The following INSL6 variants were observed in gnomAD, a reference collection of about 807,000 sequenced individuals.
INSL6 encodes insulin like 6, also known as insulin-like peptide INSL6.
In INSL6, 16 loss-of-function variants were observed where a neutral mutation model predicts 9.4. The observed-to-expected ratio is 1.70, with a 90% CI of 1.15 to 2.59. INSL6 has a LOEUF of 2.59. Among genes scored for constraint, INSL6 ranks in the 30% most tolerant of loss-of-function variants. INSL6 has a pLI of 0.00. For synonymous variants in INSL6, 154 were observed against 96.9 expected, an observed-to-expected ratio of 1.59 and a Z score of -3.46; for missense variants, 391 against 257.3, an observed-to-expected ratio of 1.52 and a Z score of -3.56.
intron 2 of INSL6, among the ~76,000 whole-genome samples, chr9:5,149,897 A>G (rs1046263073): frequency 1.3e-5 from 2 of 152,226 alleles, no homozygotes; most frequent in Non-Finnish European, 2.9e-5. Flanking sequence ...ATAAAAACAG[A>G]CACATAGATC....
chr9:5,167,332 T>C (rs1403472500), intron 1 of INSL6, among the ~76,000 whole-genome samples: 5 of 152,226 alleles, frequency 3.3e-5, no homozygotes, highest in African/African-American at 1.2e-4. Context: ...TGATGGTGGC[T>C]GCTGAGGTGG....
At chr9:5,138,774 TA>T (rs1359092496) in intron 2 of INSL6, among the ~76,000 whole-genome samples, 3 of 151,910 alleles carry the variant, frequency 2.0e-5, no homozygotes, top group Non-Finnish European at 4.4e-5. Context: ...ATTTAATATC[TA>T]AAAAAATAGT....
chr9:5,127,631 A>T (rs1824082504), intron 3 of INSL6: 1 of 231,970 alleles, frequency 4.3e-6, no homozygotes, highest in Admixed American at 5.6e-5. Context: ...TTTTGAGATT[A>T]AGAATGCCAG....
the INSL6 span, among the ~76,000 whole-genome samples, chr9:5,084,716 T>C: frequency 3.9e-5 from 6 of 152,330 alleles, no homozygotes; most frequent in South Asian, 2.1e-4. Flanking sequence ...ATTTGTGTAA[T>C]AGCCTTACAT....
the INSL6 span, among the ~76,000 whole-genome samples, chr9:5,017,718 AT>A: frequency 2.6e-5 from 4 of 152,352 alleles, no homozygotes; most frequent in South Asian, 8.3e-4. Context: ...TTTTGAATAA[AT>A]TAATTCTTTA....
chr9:5,030,008 A>ACC, the INSL6 span: 3 of 942,250 alleles, frequency 3.2e-6, no homozygotes, highest in Non-Finnish European at 4.7e-6. Flanking sequence ...AGATACCTGA[A>ACC]CCAATTAGTT....
the INSL6 span, among the ~76,000 whole-genome samples, chr9:5,035,488 A>T: frequency 5.9e-5 from 9 of 152,328 alleles, no homozygotes; most frequent in East Asian, 1.7e-3. Flanking sequence ...TCCTCAACAA[A>T]ATACTGGCAA....
chr9:5,041,118 A>C, the INSL6 span: 9 of 863,814 alleles, frequency 1.0e-5, no homozygotes. Flanking sequence ...TTCACGCCCA[A>C]GACGGTGCTC....
At chr9:5,073,590 A>T in the INSL6 span, 10 of 815,984 alleles carry the variant, frequency 1.2e-5, no homozygotes, top group Non-Finnish European at 1.8e-5. Flanking sequence ...ATCTATAGTC[A>T]TGCTGAAAGT....
the INSL6 span, chr9:5,054,611 T>G: frequency 6.2e-7 from 1 of 1,612,262 alleles, no homozygotes; most frequent in Non-Finnish European, 8.5e-7. This position sits in a 1 kb window ranked among gnomAD's most constrained non-coding sequence, Gnocchi z 4.9. Flanking sequence ...TCCAAGACTA[T>G]CATATTTTGA....
At chr9:5,082,535 G>A in the INSL6 span, among the ~76,000 whole-genome samples, 1 of 152,252 alleles carries the variant, frequency 6.6e-6, no homozygotes, top group Admixed American at 6.5e-5. Context: ...GGGGCAGGCA[G>A]GAGACAGTGG....
chr9:5,012,399 C>T, the INSL6 span, among the ~76,000 whole-genome samples: 13,461 of 151,930 alleles, frequency 0.089, 1,739 homozygotes, highest in African/African-American at 0.29. Flanking sequence ...TTATAATTGT[C>T]GTCATCAGGA....
intron 1 of INSL6, among the ~76,000 whole-genome samples, chr9:5,165,491 A>G (rs890321802): frequency 6.6e-6 from 1 of 152,174 alleles, no homozygotes; most frequent in Non-Finnish European, 1.5e-5. Context: ...GTAGCTCACT[A>G]TATTTTTGAT....
rs75247944 is a variant in INSL6 at position 5,174,253 on chromosome 9, A to C, written c.290-9988T>G. 6.1e-3 allele frequency among the ~76,000 whole-genome samples: 929 copies of C among 152,162 alleles called. 12 individuals carry two copies. Among genetic ancestry groups the C allele is most frequent in the African/African-American group, 0.022 (906 of 41,516 alleles). The stretch of plus-strand genomic sequence containing the variant: ...TACCATGCCAGCTACCATCGTATCT[A>C]TTTTCTCTTTTCTGTAACAAAACTC... On this transcript the variant is annotated intron_variant, in intron 1 of 1. Transcript: ENST00000381641.
chr9:5,134,341 A>C (rs182466714), intron 2 of INSL6, among the ~76,000 whole-genome samples: 76 of 152,310 alleles, frequency 5.0e-4, no homozygotes, highest in Admixed American at 9.2e-4. Context: ...AATATAGAGA[A>C]CACCACAAAG....
the INSL6 span, among the ~76,000 whole-genome samples, chr9:5,092,928 C>T: frequency 1.3e-5 from 2 of 152,152 alleles, no homozygotes; most frequent in Admixed American, 6.6e-5. Context: ...AACCAACCTT[C>T]CTACAGAGAG....
chr9:5,150,983 A>T (rs897351239), intron 2 of INSL6, among the ~76,000 whole-genome samples: 1 of 152,146 alleles, frequency 6.6e-6, no homozygotes, highest in African/African-American at 2.4e-5. Flanking sequence ...AAGAAACAGA[A>T]AGTTAGATGC....
Position 5,185,610 on chromosome 9 carries a change from A to AC in INSL6, c.-9dup, listed in dbSNP as rs1035360595. The AC allele has an allele frequency of 6.8e-6, 11 of 1,607,946 alleles. No individual in the cohort carries two copies. The African/African-American group carries it at 1.3e-4, about 20-fold the overall frequency. ...GCGGAGGAGCCGCGGCATCCCTGTG[A>AC]CCCCAGGCTAGTCCTCCGCGTTGTG... On this transcript the variant is annotated 5_prime_UTR_variant, in exon 1 of 2. Coordinates refer to ENST00000381641, the MANE Select transcript of INSL6 (RefSeq NM_007179.3).
chr9:5,055,548 A>G, the INSL6 span: 28 of 719,172 alleles, frequency 3.9e-5, no homozygotes, highest in African/African-American at 7.2e-5. Flanking sequence ...ATGCTTATCT[A>G]TTGTTATCAA....
Sources: gnomAD v4.1 joint callset for allele counts (sites outside exome capture counted in the v4.1 genomes callset) on GRCh38, gnomAD v4.1.1 for gene constraint, Gnocchi (gnomAD v3.1) non-coding constraint, MANE v1.5 for transcripts, NCBI Gene and HGNC (gene_info 2026-07-23, HGNC 2026-07-21) for gene names.